The following XPO7 variants were observed in gnomAD, a reference collection of about 807,000 sequenced individuals.
The protein encoded by XPO7 is exportin 7.
In XPO7, 21 loss-of-function variants were observed where a neutral mutation model predicts 144.3. The ratio of observed to expected loss-of-function variants is 0.15; its 90% CI spans 0.10 to 0.21. XPO7 has a LOEUF of 0.21. Among genes scored for constraint, XPO7 ranks in the 10% least tolerant of loss-of-function variants. The pLI, the probability that XPO7 is intolerant of heterozygous loss-of-function variation, is 1.00. For synonymous variants in XPO7, 580 were observed against 499.6 expected, an observed-to-expected ratio of 1.16 and a Z score of -2.15; for missense variants, 808 against 1,325.8, an observed-to-expected ratio of 0.61 and a Z score of 6.06.
At position 21,987,202 on chromosome 8, in the gene XPO7, G is replaced by C. The variant is rs1160642567; in HGVS notation, c.1639G>C (p.Glu547Gln). ...GGCCCAGGCGGGTAATGAGAAGCTAGAGTTGGCCATGCTGAGCTTTTTTGA... is the reference window on the plus strand; with the variant it reads ...GGCCCAGGCGGGTAATGAGAAGCTACAGTTGGCCATGCTGAGCTTTTTTGA... Reference protein sequence around the residue: ...RLAQAGNEKLELAMLSFFEQF... With the variant: ...RLAQAGNEKLQLAMLSFFEQF... Residue 547 changes from glutamate (E) to glutamine (Q), a missense_variant, in exon 14 of 28, where the codon GAG becomes CAG. By Grantham distance (29) the Glu-to-Gln change is conservative. Transcript: ENST00000252512. 1.9e-6 allele frequency: 3 copies of C among 1,614,062 alleles called. No homozygotes were observed. Among genetic ancestry groups the C allele is most frequent in the South Asian group, 1.1e-5 (1 of 91,086 alleles).
At chr8:21,975,339 A>G (rs1371504290) in intron 6 of XPO7, among the ~76,000 whole-genome samples, 1 of 152,248 alleles carries the variant, frequency 6.6e-6, no homozygotes, top group Non-Finnish European at 1.5e-5. Flanking sequence ...GTATCACATA[A>G]GGAAATTACC....
rs150391147 is a variant in XPO7 at position 21,950,648 on chromosome 8, T to C, written c.19-16209T>C. ...ATTGATGTATCTTGCAACAGATGAT[T>C]GTTACTTTAACTTTAAAAGAGTTCT... On this transcript the variant is annotated intron_variant, in intron 1 of 27. Coordinates refer to ENST00000252512, the MANE Select transcript of XPO7 (RefSeq NM_015024.5). 1.4e-3 allele frequency among the ~76,000 whole-genome samples: 210 copies of C among 152,330 alleles called. 1 individual carries two copies. The highest frequency in any genetic ancestry group is 2.7e-3 in the Admixed American group (42 of 15,304).
chr8:21,969,000 A>G (rs767549144), intron 2 of XPO7, among the ~76,000 whole-genome samples: 2 of 152,238 alleles, frequency 1.3e-5, no homozygotes, highest in Non-Finnish European at 2.9e-5. Context: ...TGATGGAAAG[A>G]TACAATTTGG....
At chr8:21,954,605 G>C (rs1811476828) in intron 1 of XPO7, among the ~76,000 whole-genome samples, 1 of 152,112 alleles carries the variant, frequency 6.6e-6, no homozygotes, top group African/African-American at 2.4e-5. Context: ...CTGCACTCCA[G>C]CCTGGGCAAC....
chr8:21,984,909 C>A, intron 12 of XPO7, 70 bp downstream of exon 12: 1 of 1,491,476 alleles, frequency 6.7e-7, no homozygotes, highest in Non-Finnish European at 9.1e-7. Context: ...TCGCTCATTG[C>A]CACCTCTTTC....
Position 21,987,808 on chromosome 8 carries a change from C to T in XPO7, c.1738C>T (p.Leu580=). ...GCTGTACCGCCGACTCTCAGAAGTT[C>T]TGGGCTTGAATGATGAGACCATGGT... is the stretch of plus-strand genomic sequence containing the variant. ...SKLYRRLSEV[L]GLNDETMVLS... The change falls in exon 15 of 28, where the codon CTG becomes TTG. Residue 580 remains leucine, a synonymous_variant. Coordinates refer to ENST00000252512, the MANE Select transcript of XPO7 (RefSeq NM_015024.5). 2.5e-6 allele frequency: 4 copies of T among 1,613,876 alleles called. No individual in the cohort carries two copies. The highest frequency in any genetic ancestry group is 3.4e-6 in the Non-Finnish European group (4 of 1,179,820).
rs774214594 is a variant in XPO7 at position 21,999,317 on chromosome 8, G to A, written c.2643+12G>A. ...ACAGTGATCTCTTGGTAAGCCTTAC[G>A]CTGCATTGCCACAATCTTGTTCCTC... On this transcript the variant is annotated intron_variant, in intron 23 of 27. Transcript: ENST00000252512. The A allele has an allele frequency of 1.9e-5, 31 of 1,612,104 alleles. No individual in the cohort carries two copies. The highest frequency in any genetic ancestry group is 3.3e-5 in the South Asian group (3 of 91,006).
intron 1 of XPO7, among the ~76,000 whole-genome samples, chr8:21,950,500 C>T (rs901247390): frequency 2.0e-5 from 3 of 152,136 alleles, no homozygotes. Flanking sequence ...TAGGTTGCAT[C>T]ATGTCTGTTT....
At chr8:21,969,999 G>A in intron 3 of XPO7, 145 bp from the exon 4 acceptor site, 1 of 913,330 alleles carries the variant, frequency 1.1e-6, no homozygotes, top group Non-Finnish European at 1.6e-6. Flanking sequence ...ATTTGGAACA[G>A]TAGCATAAAT....
In XPO7 at chr8:21,956,477, T is replaced by C. The variant is rs149261471; in HGVS notation, c.19-10380T>C. On this transcript the variant is annotated intron_variant, in intron 1 of 27. Transcript: ENST00000252512. ...CTGATGTTTTTCAGTTCTAGGAAGT[T>C]ATCTCAAATTATTTTATTGATAACT... 2.0e-5 allele frequency among the ~76,000 whole-genome samples: 3 copies of C among 152,324 alleles called. No individual in the cohort carries two copies. The East Asian group carries it at 5.8e-4, about 29-fold the overall frequency.
chr8:21,920,259 C>T (rs1810231330), intron 1 of XPO7, among the ~76,000 whole-genome samples: 2 of 152,132 alleles, frequency 1.3e-5, no homozygotes, highest in Admixed American at 1.3e-4. Flanking sequence ...GAGTCTTTCC[C>T]GCCGCCTTCC....
chr8:21,956,029 C>G, intron 1 of XPO7, among the ~76,000 whole-genome samples: 1 of 151,968 alleles, frequency 6.6e-6, no homozygotes, highest in East Asian at 1.9e-4. Context: ...GCCCAGCCCC[C>G]GTGCTTACCT....
At chr8:21,928,622 T>G (rs1810539141) in intron 1 of XPO7, among the ~76,000 whole-genome samples, 1 of 152,252 alleles carries the variant, frequency 6.6e-6, no homozygotes. Flanking sequence ...CTTTGATGAC[T>G]AACATGTTGA....
intron 1 of XPO7, among the ~76,000 whole-genome samples, chr8:21,960,638 C>G (rs1007556436): frequency 3.9e-5 from 6 of 152,310 alleles, no homozygotes; most frequent in Non-Finnish European, 8.8e-5. Flanking sequence ...CTCATGCACG[C>G]CAGGCTCTGG....
chr8:21,965,564 G>A (rs1205186834), intron 1 of XPO7, among the ~76,000 whole-genome samples: 1 of 152,172 alleles, frequency 6.6e-6, no homozygotes, highest in Non-Finnish European at 1.5e-5. Flanking sequence ...TTCGTTTTAA[G>A]GGCAAGGTTG....
chr8:21,924,627 C>T (rs920092548), intron 1 of XPO7, among the ~76,000 whole-genome samples: 1 of 152,030 alleles, frequency 6.6e-6, no homozygotes, highest in Admixed American at 6.5e-5. Flanking sequence ...TGTTACTGCT[C>T]TCTGGTGGGG....
chr8:21,947,268 G>A (rs1358529375), intron 1 of XPO7, among the ~76,000 whole-genome samples: 1 of 152,110 alleles, frequency 6.6e-6, no homozygotes, highest in Non-Finnish European at 1.5e-5. Flanking sequence ...CAAGAGGGGA[G>A]GGATAAGATA....
intron 27 of XPO7, 124 bp downstream of exon 27, chr8:22,004,154 A>C: frequency 8.2e-7 from 1 of 1,218,672 alleles, no homozygotes; most frequent in Non-Finnish European, 1.1e-6. Flanking sequence ...AATGCAATGC[A>C]ATAGAAAAGT....
intron 1 of XPO7, among the ~76,000 whole-genome samples, chr8:21,947,124 A>G (rs1358264315): frequency 2.0e-5 from 3 of 152,260 alleles, no homozygotes; most frequent in Admixed American, 6.5e-5. Context: ...AAGCATAGGT[A>G]AATCTAAACA....
Sources: allele counts gnomAD v4.1 joint callset (sites outside exome capture counted in the v4.1 genomes callset), GRCh38; gene constraint gnomAD v4.1.1; transcripts MANE v1.5; gene names NCBI Gene and HGNC (gene_info 2026-07-23, HGNC 2026-07-21).